Variants in ANKFN1 observed in about 807,000 individuals in gnomAD.
ANKFN1 encodes the protein ankyrin repeat and fibronectin type III domain containing 1.
ANKFN1 carries 74 observed loss-of-function variants against 108.7 expected under a neutral mutation model. The ratio of observed to expected loss-of-function variants is 0.68; its 90% confidence interval spans 0.56 to 0.83. The LOEUF is 0.83. Among genes scored for constraint, ANKFN1 ranks in the 40% least tolerant of loss-of-function variants. The pLI is 0.00. For missense variants in ANKFN1, 1,505 were observed against 1,382.3 expected (o/e 1.09, Z -1.41); for synonymous variants, 547 against 516.2 (o/e 1.06, Z -0.81).
intron 4 of ANKFN1, among the ~76,000 whole-genome samples, chr17:56,080,920 C>T (rs12952854): frequency 0.015 from 2,350 of 152,290 alleles, 30 homozygotes; most frequent in Middle Eastern, 0.027. Flanking sequence ...TGGCTTATCA[C>T]GCAATCCCTC....
chr17:56,250,969 A>AT (rs138670896), intron 3 of ANKFN1, among the ~76,000 whole-genome samples: 55 of 150,938 alleles, frequency 3.6e-4, no homozygotes, highest in Non-Finnish European at 3.0e-4. Flanking sequence ...AAGATTGGTA[A>AT]TTTTTTTTTT....
chr17:56,265,567 C>T lies in ANKFN1; in HGVS notation c.53+37610C>T, dbSNP rs147251063. ...AATTTTAGGCTGTGGTTAGAGATTT[C>T]GGGAGCCTGAAAAGGACTTTCACAG... On this transcript the variant is annotated intron_variant, in intron 3 of 20. Coordinates refer to ENST00000682825, the MANE Select transcript of ANKFN1 (RefSeq NM_001370326.1). Among the ~76,000 whole-genome samples, 686 of 152,162 alleles carry T rather than the reference C, an allele frequency of 4.5e-3. 1 individual carries two copies. The highest frequency in any genetic ancestry group is 0.024 in the Middle Eastern group (7 of 294).
chr17:56,282,573 G>A (rs1192177632), intron 3 of ANKFN1, among the ~76,000 whole-genome samples: 1 of 152,188 alleles, frequency 6.6e-6, no homozygotes, highest in Non-Finnish European at 1.5e-5. Flanking sequence ...AGTTTGAAAT[G>A]ATTGCAATAG....
chr17:56,499,042 ACTGT>A lies in ANKFN1; in HGVS notation c.2591_2594del (p.Cys864PhefsTer16). 2 of 1,535,690 alleles carry A rather than the reference ACTGT, an allele frequency of 1.3e-6. No homozygotes were observed. The highest frequency in any genetic ancestry group is 1.7e-6 in the Non-Finnish European group (2 of 1,146,652). ...AATTCTACATCATCATCACATATAG[ACTGT>A]CTTCCATCCCCACCCCCATCCCCAG... On this transcript the variant is annotated frameshift_variant, in exon 20 of 21. Coordinates refer to ENST00000682825, the MANE Select transcript of ANKFN1 (RefSeq NM_001370326.1). LOFTEE classifies it high-confidence loss of function.
intron 4 of ANKFN1, among the ~76,000 whole-genome samples, chr17:56,056,926 C>A (rs1598084492): frequency 6.6e-6 from 1 of 152,208 alleles, no homozygotes. Flanking sequence ...GGCATTTTGT[C>A]CACAGCAGAA....
chr17:56,338,444 A>G (rs2045875214), intron 4 of ANKFN1, among the ~76,000 whole-genome samples: 1 of 152,116 alleles, frequency 6.6e-6, no homozygotes, highest in Admixed American at 6.6e-5. Flanking sequence ...TAGAACTTAA[A>G]GTATAATTTT....
In ANKFN1 at chr17:56,359,712, G is replaced by T. The variant is rs548752779; in HGVS notation, c.601+5666G>T. On this transcript the variant is annotated intron_variant, in intron 6 of 20. Coordinates refer to ENST00000682825, the MANE Select transcript of ANKFN1 (RefSeq NM_001370326.1). ...CCACTCATTTCTGCAGTAGTAAGGG[G>T]TTCGTGTTTGTGCTGGGACTGGTCA... Among the ~76,000 whole-genome samples, 114 of 152,296 alleles carry T rather than the reference G, an allele frequency of 7.5e-4. 3 individuals are homozygous for T. In the South Asian group the frequency reaches 0.023, roughly 31 times the overall value.
intron 3 of ANKFN1, among the ~76,000 whole-genome samples, chr17:56,244,838 G>A (rs1917842952): frequency 6.6e-6 from 1 of 152,106 alleles, no homozygotes; most frequent in Non-Finnish European, 1.5e-5. Flanking sequence ...CCACCGCTTT[G>A]TGTTTGGAAG....
At chr17:56,049,453 C>T (rs1217780209) in intron 4 of ANKFN1, among the ~76,000 whole-genome samples, 1 of 151,762 alleles carries the variant, frequency 6.6e-6, no homozygotes, top group Non-Finnish European at 1.5e-5. Context: ...AGGTTAGTTA[C>T]ATATGTATAC....
intron 3 of ANKFN1, among the ~76,000 whole-genome samples, chr17:56,325,855 G>A (rs556292988): frequency 2.0e-5 from 3 of 152,160 alleles, no homozygotes; most frequent in East Asian, 1.9e-4. Context: ...TTTCCCTGCC[G>A]GTTGATGTAG....
Position 56,326,347 on chromosome 17 carries a change from C to T in ANKFN1, c.180C>T (p.Ser60=). 1 of 1,608,874 alleles carries T rather than the reference C, an allele frequency of 6.2e-7. No individual in the cohort carries two copies. Among genetic ancestry groups the T allele is most frequent in the South Asian group, 1.1e-5 (1 of 89,716 alleles). ...CTTGTTCCTCTGCTGCCTCGAACAGCATAAACTGGTAAGTCAAATTTACTG... is the reference window on the plus strand; with the variant it reads ...CTTGTTCCTCTGCTGCCTCGAACAGTATAAACTGGTAAGTCAAATTTACTG... The part of the protein sequence containing the change: ...PTTCSSAASN[S]INWNCRVKMT... Residue 60 remains serine, a synonymous_variant, in exon 4 of 21, where the codon AGC becomes AGT. Transcript: ENST00000682825.
intron 8 of ANKFN1, among the ~76,000 whole-genome samples, chr17:56,425,327 T>C (rs2048528294): frequency 6.6e-6 from 1 of 152,130 alleles, no homozygotes; most frequent in South Asian, 2.1e-4. Context: ...TGTCCACAAT[T>C]TAACTGGTAC....
At chr17:56,095,937 T>G (rs1438216620) in intron 4 of ANKFN1, among the ~76,000 whole-genome samples, 1 of 152,244 alleles carries the variant, frequency 6.6e-6, no homozygotes, top group Non-Finnish European at 1.5e-5. Context: ...ACGTGGGCTC[T>G]TTGGAATCAG....
chr17:56,085,707 C>T (rs1393594515), intron 4 of ANKFN1, among the ~76,000 whole-genome samples: 1 of 151,236 alleles, frequency 6.6e-6, no homozygotes, highest in African/African-American at 2.4e-5. Context: ...GAAGCAGCAA[C>T]ACCATTTGGT....
intron 3 of ANKFN1, among the ~76,000 whole-genome samples, chr17:56,308,293 G>T (rs938573836): frequency 1.3e-5 from 2 of 151,212 alleles, no homozygotes; most frequent in African/African-American, 2.4e-5. Context: ...GCAAAAAAAA[G>T]ATTTTAATTT....
At chr17:56,111,657 C>T (rs1420755871) in intron 4 of ANKFN1, among the ~76,000 whole-genome samples, 1 of 151,976 alleles carries the variant, frequency 6.6e-6, no homozygotes, top group Non-Finnish European at 1.5e-5. Flanking sequence ...TCCCATAGTT[C>T]TAAATTTGTT....
At chr17:56,176,075 A>T (rs1298840787) in intron 1 of ANKFN1, among the ~76,000 whole-genome samples, 1 of 151,516 alleles carries the variant, frequency 6.6e-6, no homozygotes, top group Non-Finnish European at 1.5e-5. Flanking sequence ...CTGGGAGGGG[A>T]GGATTGTTCT....
At chr17:56,316,992 TAA>T (rs1306177192) in intron 3 of ANKFN1, among the ~76,000 whole-genome samples, 1 of 152,200 alleles carries the variant, frequency 6.6e-6, no homozygotes, top group East Asian at 1.9e-4. Flanking sequence ...AACACACGTT[TAA>T]AGCAGATTTC....
At chr17:56,383,330 G>A (rs1437372625) in intron 8 of ANKFN1, among the ~76,000 whole-genome samples, 1 of 152,138 alleles carries the variant, frequency 6.6e-6, no homozygotes, top group Non-Finnish European at 1.5e-5. Flanking sequence ...ATTCAAAGCA[G>A]TGTGTAGAGG....
Sources: allele counts gnomAD v4.1 joint callset (sites outside exome capture counted in the v4.1 genomes callset), GRCh38; gene constraint gnomAD v4.1.1; transcripts MANE v1.5; gene names NCBI Gene and HGNC (gene_info 2026-07-23, HGNC 2026-07-21).